The following PHF21B variants were observed in gnomAD, a reference collection of about 807,000 sequenced individuals.
The protein encoded by PHF21B is PHD finger protein 4.
Under a neutral mutation model 62.2 loss-of-function variants are expected in PHF21B, and 22 were observed. The ratio of observed to expected loss-of-function variants is 0.35; its 90% CI spans 0.25 to 0.51. The LOEUF (loss-of-function observed/expected upper bound fraction) is 0.51, where lower values mean the gene tolerates loss of function less well. PHF21B is among the 20% of genes least tolerant of loss of function. PHF21B has a pLI of 0.97. For synonymous variants in PHF21B, 341 were observed against 314.7 expected, an observed-to-expected ratio of 1.08 and a Z score of -0.88; for missense variants, 701 against 707.9, an observed-to-expected ratio of 0.99 and a Z score of 0.11.
intron 5 of PHF21B, among the ~76,000 whole-genome samples, chr22:44,912,975 G>A (rs1265830017): frequency 6.6e-6 from 1 of 152,084 alleles, no homozygotes; most frequent in African/African-American, 2.4e-5. Flanking sequence ...GAGGATGTGG[G>A]GCTGGTGTTG....
intron 5 of PHF21B, among the ~76,000 whole-genome samples, chr22:44,911,651 T>C (rs1034042105): frequency 6.6e-6 from 1 of 152,240 alleles, no homozygotes; most frequent in Non-Finnish European, 1.5e-5. Flanking sequence ...TGCCTAGATT[T>C]CACAAGATGT....
Position 44,995,970 on chromosome 22 carries a change from C to G in PHF21B, c.120+12575G>C, listed in dbSNP as rs565473904. ...GGCTCAAAGATGGTCGCAGAGGGGA[C>G]AGTTCACCTCGATCTGCAGGGGTGT... On this transcript the variant is annotated intron_variant, in intron 2 of 12. Coordinates refer to ENST00000313237, the MANE Select transcript of PHF21B (RefSeq NM_138415.5). Among the ~76,000 whole-genome samples the G allele has an allele frequency of 2.6e-5, 4 of 152,266 alleles. No homozygotes were observed. The South Asian group carries it at 8.3e-4, about 32-fold the overall frequency.
chr22:44,997,560 T>C (rs1025328142), intron 2 of PHF21B, among the ~76,000 whole-genome samples: 6 of 152,216 alleles, frequency 3.9e-5, no homozygotes, highest in Admixed American at 2.6e-4. Context: ...ACTAGACTCG[T>C]ATTGCTGATT....
chr22:44,885,813 G>A, intron 11 of PHF21B, 50 bp downstream of exon 11: 1 of 1,570,868 alleles, frequency 6.4e-7, no homozygotes, highest in Non-Finnish European at 8.7e-7. Flanking sequence ...GGCCTGGGTG[G>A]GGGAGGAGGG....
intron 2 of PHF21B, among the ~76,000 whole-genome samples, chr22:44,987,148 A>G (rs2072964815): frequency 6.6e-6 from 1 of 152,254 alleles, no homozygotes; most frequent in Admixed American, 6.5e-5. Flanking sequence ...TGTAGTGGAC[A>G]GAGGCTGGGA....
At chr22:44,975,825 G>A (rs2072728084) in intron 2 of PHF21B, among the ~76,000 whole-genome samples, 1 of 152,240 alleles carries the variant, frequency 6.6e-6, no homozygotes, top group African/African-American at 2.4e-5. Flanking sequence ...GCGCTGGTCA[G>A]TTTTGCTTCA....
At chr22:44,915,025 G>C (rs532981401) in intron 4 of PHF21B, among the ~76,000 whole-genome samples, 3 of 152,210 alleles carry the variant, frequency 2.0e-5, no homozygotes, top group African/African-American at 7.2e-5. Flanking sequence ...TTTTTGGTTT[G>C]TTTTTCCCTA....
chr22:44,884,212 TCAC>T (rs757061792), intron 12 of PHF21B, among the ~76,000 whole-genome samples: 2,729 of 118,532 alleles, frequency 0.023, no homozygotes, highest in African/African-American at 0.054. Context: ...ATCACCAACG[TCAC>T]CACCACCACC....
intron 3 of PHF21B, among the ~76,000 whole-genome samples, chr22:44,918,907 CAGG>C (rs1293910473): frequency 6.6e-6 from 1 of 152,182 alleles, no homozygotes; most frequent in Non-Finnish European, 1.5e-5. Flanking sequence ...GGGTCACCGA[CAGG>C]AGAAGTCCAA....
chr22:44,881,304 A>G lies in PHF21B; in HGVS notation c.*1782T>C, dbSNP rs1369840374. The G allele has an allele frequency of 6.6e-6, 1 of 152,660 alleles. No homozygotes were observed. The highest frequency in any genetic ancestry group is 2.4e-5 in the African/African-American group (1 of 41,448). 9.5% of individuals were successfully genotyped at this position (152,660 alleles called of 1,614,324 possible). A position where few individuals can be genotyped will look rare whatever the true frequency, so the allele number is the denominator to read the frequency against. On this transcript the variant is annotated 3_prime_UTR_variant, in exon 13 of 13. Transcript: ENST00000313237. The stretch of plus-strand genomic sequence containing the variant: ...AAAAAACCTAACAATCTCAAGACAC[A>G]TCGGCAGCTACCCCTCCCGGGTCCA...
chr22:45,007,310 T>C (rs1441578295), intron 2 of PHF21B, among the ~76,000 whole-genome samples: 5 of 151,610 alleles, frequency 3.3e-5, no homozygotes, highest in African/African-American at 1.2e-4. Flanking sequence ...GCCTCCGAAT[T>C]CTCTCTCGCC....
intron 2 of PHF21B, among the ~76,000 whole-genome samples, chr22:44,960,346 A>AT (rs1374652212): frequency 1.3e-5 from 2 of 152,108 alleles, no homozygotes; most frequent in Admixed American, 1.3e-4. Context: ...TGCCCGAAAA[A>AT]TGAGAAAATT....
At chr22:44,994,035 C>T (rs1329645004) in intron 2 of PHF21B, among the ~76,000 whole-genome samples, 1 of 152,230 alleles carries the variant, frequency 6.6e-6, no homozygotes, top group African/African-American at 2.4e-5. Context: ...GTTTGTCCAT[C>T]TCAGCTTCTG....
At chr22:44,963,222 C>T (rs1490643504) in intron 2 of PHF21B, among the ~76,000 whole-genome samples, 1 of 152,382 alleles carries the variant, frequency 6.6e-6, no homozygotes, top group Middle Eastern at 3.4e-3. Flanking sequence ...GCCACGCTCA[C>T]ATCACTGCAG....
chr22:45,007,893 C>T (rs2073354514), intron 2 of PHF21B, among the ~76,000 whole-genome samples: 1 of 151,584 alleles, frequency 6.6e-6, no homozygotes, highest in Non-Finnish European at 1.5e-5. Context: ...AACTTTTCCT[C>T]CCCGGAGGGG....
intron 2 of PHF21B, among the ~76,000 whole-genome samples, chr22:44,934,246 C>T (rs1236542696): frequency 6.6e-6 from 1 of 152,224 alleles, no homozygotes; most frequent in Non-Finnish European, 1.5e-5. Flanking sequence ...GCACCTCACC[C>T]ACCTGCTTCC....
Position 44,885,476 on chromosome 22 carries a change from C to G in PHF21B, c.1327G>C (p.Glu443Gln). 1 of 1,599,356 alleles carries G rather than the reference C, an allele frequency of 6.3e-7. No individual in the cohort carries two copies. The highest frequency in any genetic ancestry group is 8.5e-7 in the Non-Finnish European group (1 of 1,173,488). The change falls in exon 12 of 13, where the codon GAG (glutamate) becomes CAG (glutamine). Residue 443 changes from glutamate to glutamine, a missense_variant. By Grantham distance (29) the Glu-to-Gln change is conservative. Coordinates refer to ENST00000313237, the MANE Select transcript of PHF21B (RefSeq NM_138415.5). ...LLQRGSELQN[E>Q]HQQLEERDRR... ...TCCCGCTCCTCCAGCTGCTGGTGCT[C>G]GTTCTGCAGCTCACTGCCTCGTTGC...
At chr22:45,003,975 A>G (rs2073266503) in intron 2 of PHF21B, among the ~76,000 whole-genome samples, 1 of 152,196 alleles carries the variant, frequency 6.6e-6, no homozygotes, top group Non-Finnish European at 1.5e-5. Flanking sequence ...ATACACACAC[A>G]CACATACATA....
intron 2 of PHF21B, among the ~76,000 whole-genome samples, chr22:44,975,643 G>C (rs1387863101): frequency 3.9e-5 from 6 of 152,232 alleles, no homozygotes; most frequent in African/African-American, 1.4e-4. Context: ...AGGGAACCCA[G>C]GCTCCTGCCA....
Sources: gnomAD v4.1 joint callset for allele counts (sites outside exome capture counted in the v4.1 genomes callset) on GRCh38, gnomAD v4.1.1 for gene constraint, MANE v1.5 for transcripts, NCBI Gene and HGNC (gene_info 2026-07-23, HGNC 2026-07-21) for gene names.